Variants in UTRN observed in about 807,000 individuals in gnomAD.
UTRN encodes dystrophin-related protein 1.
A neutral mutation model predicts 463.9 loss-of-function variants in UTRN; 283 were observed. That is an observed-to-expected ratio of 0.61 (90% confidence interval 0.55 to 0.67). The LOEUF is 0.67. Ranked by LOEUF, UTRN falls within the 30% of genes least tolerant of loss-of-function variation. UTRN has a pLI of 0.00. For synonymous variants in UTRN, 1,442 were observed against 1,431.5 expected, an observed-to-expected ratio of 1.01 and a Z score of -0.17; for missense variants, 3,922 against 4,084.3, an observed-to-expected ratio of 0.96 and a Z score of 1.08.
At chr6:144,579,494 C>T (rs966580237) in intron 51 of UTRN, among the ~76,000 whole-genome samples, 5 of 152,274 alleles carry the variant, frequency 3.3e-5, no homozygotes, top group African/African-American at 1.2e-4. Flanking sequence ...ACCAGCAAAA[C>T]ACAGGCCTAT....
intron 60 of UTRN, among the ~76,000 whole-genome samples, chr6:144,780,251 A>G (rs377757888): frequency 6.6e-6 from 1 of 152,166 alleles, no homozygotes; most frequent in African/African-American, 2.4e-5. Flanking sequence ...TTGGTTTTAT[A>G]TGTATATAAC....
At chr6:144,585,540 A>G (rs1802389387) in intron 51 of UTRN, among the ~76,000 whole-genome samples, 1 of 152,152 alleles carries the variant, frequency 6.6e-6, no homozygotes, top group Non-Finnish European at 1.5e-5. Flanking sequence ...TTGTGTGGTT[A>G]TATTTTGAAA....
At chr6:144,589,000 G>T (rs976791394) in intron 51 of UTRN, among the ~76,000 whole-genome samples, 1 of 152,128 alleles carries the variant, frequency 6.6e-6, no homozygotes, top group Non-Finnish European at 1.5e-5. Flanking sequence ...CTTCTAGTTT[G>T]TTCAGTTCTG....
rs755830724 is a variant in UTRN, at chr6:144,437,712, G to A, written c.1207G>A (p.Ala403Thr). 6.2e-7 allele frequency: 1 copy of A among 1,614,020 alleles called. No homozygotes were observed. The change falls in exon 11 of 75, where the codon GCT (alanine) becomes ACT (threonine). Residue 403 changes from alanine to threonine, a missense_variant. Physicochemically the swap from Ala to Thr is moderately conservative, Grantham distance 58. Coordinates refer to ENST00000367545, the MANE Select transcript of UTRN (RefSeq NM_007124.3). ...GACCCTGCTGAATGCTAGATGGGAG[G>A]CTCTTAGGGTGGAGAGTATGGACAG... ...QMTLLNARWE[A>T]LRVESMDRQS...
intron 53 of UTRN, among the ~76,000 whole-genome samples, chr6:144,701,339 G>A (rs1586101731): frequency 6.6e-6 from 1 of 150,840 alleles, no homozygotes; most frequent in South Asian, 2.1e-4. Flanking sequence ...AAAAAGTAAT[G>A]CAGATGAAGA....
intron 51 of UTRN, among the ~76,000 whole-genome samples, chr6:144,675,494 G>A (rs1781499108): frequency 6.6e-6 from 1 of 152,220 alleles, no homozygotes; most frequent in Non-Finnish European, 1.5e-5. Context: ...AAGCTGATGT[G>A]TGGTAAGCAG....
At chr6:144,450,986 A>G (rs1317821890) in intron 17 of UTRN, among the ~76,000 whole-genome samples, 1 of 152,040 alleles carries the variant, frequency 6.6e-6, no homozygotes, top group African/African-American at 2.4e-5. Flanking sequence ...GGTGGTGGGC[A>G]CCTATAATCC....
intron 52 of UTRN, among the ~76,000 whole-genome samples, chr6:144,687,671 G>T (rs1349373022): frequency 6.6e-6 from 1 of 152,090 alleles, no homozygotes; most frequent in African/African-American, 2.4e-5. Flanking sequence ...ATTCCTGTTA[G>T]CTTGTAAGGT....
In UTRN at chr6:144,514,710, C is replaced by T; in HGVS notation, c.5134C>T (p.Leu1712Phe). The T allele has an allele frequency of 6.2e-7, 1 of 1,614,094 alleles. No individual in the cohort carries two copies. ...GGTTGAAAATGTCCGCGATCAAGCC[C>T]TTATTTTGATGAATGCCCGTGGAAG... ...LQVENVRDQALILMNARGSSS... is the reference protein window; with the variant it reads ...LQVENVRDQAFILMNARGSSS... Residue 1712 changes from leucine to phenylalanine, a missense_variant, in exon 37 of 75, where the codon CTT (leucine) becomes TTT (phenylalanine). Leu to Phe is a conservative substitution (Grantham distance 22). Transcript: ENST00000367545.
chr6:144,702,396 A>G (rs779860558), intron 53 of UTRN, among the ~76,000 whole-genome samples: 1 of 152,220 alleles, frequency 6.6e-6, no homozygotes, highest in Non-Finnish European at 1.5e-5. Flanking sequence ...TGGTAATACA[A>G]TTGGTTCATT....
intron 2 of UTRN, among the ~76,000 whole-genome samples, chr6:144,367,283 C>A (rs1440100271): frequency 1.3e-5 from 2 of 151,584 alleles, no homozygotes. Flanking sequence ...CTGTGCCCGG[C>A]CCCTCTACCT....
chr6:144,305,005 C>T (rs1375759203), intron 2 of UTRN, among the ~76,000 whole-genome samples: 2 of 151,280 alleles, frequency 1.3e-5, no homozygotes, highest in African/African-American at 4.9e-5. Context: ...GATCTCGGCT[C>T]ACTACAATCT....
At chr6:144,425,274 G>A (rs1283763906) in intron 6 of UTRN, among the ~76,000 whole-genome samples, 2 of 152,154 alleles carry the variant, frequency 1.3e-5, no homozygotes, top group Non-Finnish European at 2.9e-5. Context: ...CAAAAGTGAC[G>A]TGAGTTCTTC....
At chr6:144,731,032 A>G (rs1009260895) in intron 54 of UTRN, among the ~76,000 whole-genome samples, 2 of 150,878 alleles carry the variant, frequency 1.3e-5, no homozygotes, top group African/African-American at 2.4e-5. Context: ...CAAAAAATAT[A>G]TATTTCTTAT....
chr6:144,640,662 T>G (rs536842710), intron 51 of UTRN, among the ~76,000 whole-genome samples: 1 of 152,200 alleles, frequency 6.6e-6, no homozygotes, highest in Non-Finnish European at 1.5e-5. Flanking sequence ...AATTGCTATA[T>G]AAATGCTTGT....
chr6:144,436,792 T>TA (rs1786585258), intron 10 of UTRN, among the ~76,000 whole-genome samples: 2 of 143,786 alleles, frequency 1.4e-5, no homozygotes, highest in South Asian at 4.2e-4. Flanking sequence ...AAATATATAT[T>TA]TATATATAAA....
chr6:144,475,816 T>C (rs1791134033), intron 25 of UTRN, among the ~76,000 whole-genome samples: 1 of 152,040 alleles, frequency 6.6e-6, no homozygotes, highest in Non-Finnish European at 1.5e-5. Flanking sequence ...TGGTGCATGC[T>C]TGTAATCCCA....
At chr6:144,521,928 T>C in intron 39 of UTRN, 52 bp from the exon 40 acceptor site, 1 of 1,101,534 alleles carries the variant, frequency 9.1e-7, no homozygotes, top group Non-Finnish European at 1.2e-6. Flanking sequence ...TGTGGGGGTA[T>C]TTTAAGAGAT....
chr6:144,547,900 A>G (rs1489048097), intron 46 of UTRN, among the ~76,000 whole-genome samples: 2 of 152,236 alleles, frequency 1.3e-5, no homozygotes, highest in African/African-American at 2.4e-5. Flanking sequence ...CTGAATTTAC[A>G]GATTGGCTAT....
Sources: gnomAD v4.1 joint callset for allele counts (sites outside exome capture counted in the v4.1 genomes callset) on GRCh38, gnomAD v4.1.1 for gene constraint, MANE v1.5 for transcripts, NCBI Gene and HGNC (gene_info 2026-07-23, HGNC 2026-07-21) for gene names.